The following ANGPT2 variants were observed in gnomAD, a reference collection of about 807,000 sequenced individuals.
The protein encoded by ANGPT2 is angiopoietin-2.
ANGPT2 carries 28 observed loss-of-function variants against 62.9 expected under a neutral mutation model. The observed-to-expected ratio is 0.44, with a 90% CI of 0.33 to 0.61. ANGPT2 has a LOEUF of 0.61. ANGPT2 is among the 20% of genes least tolerant of loss of function. ANGPT2 has a pLI of 0.03. For synonymous variants in ANGPT2, 284 were observed against 207.8 expected (o/e 1.37, Z -3.15); for missense variants, 727 against 594.9 (o/e 1.22, Z -2.31).
intron 1 of ANGPT2, among the ~76,000 whole-genome samples, chr8:6,537,406 G>A (rs1337221394): frequency 1.3e-5 from 2 of 151,944 alleles, no homozygotes; most frequent in African/African-American, 2.4e-5. Flanking sequence ...AACATTGAGG[G>A]CCACAGTGAT....
chr8:6,554,233 A>C (rs1238929738), intron 1 of ANGPT2, among the ~76,000 whole-genome samples: 1 of 151,302 alleles, frequency 6.6e-6, no homozygotes, highest in Non-Finnish European at 1.5e-5. Context: ...AAGTGTGACA[A>C]ATGCCCAGGT....
intron 5 of ANGPT2, among the ~76,000 whole-genome samples, chr8:6,517,838 G>A (rs2129568536): frequency 6.6e-6 from 1 of 152,284 alleles, no homozygotes; most frequent in East Asian, 1.9e-4. Context: ...ATCAGATTGT[G>A]ACTTACAGAG....
chr8:6,515,139 A>G (rs1279430032), intron 5 of ANGPT2, among the ~76,000 whole-genome samples: 1 of 151,976 alleles, frequency 6.6e-6, no homozygotes, highest in African/African-American at 2.4e-5. Context: ...TTGGCCCCGA[A>G]CCCCACATCT....
At chr8:6,512,741 G>A (rs1483922028) in intron 7 of ANGPT2, among the ~76,000 whole-genome samples, 1 of 152,172 alleles carries the variant, frequency 6.6e-6, no homozygotes, top group Non-Finnish European at 1.5e-5. Flanking sequence ...TGGCATTTTA[G>A]AGGCAGAAAG....
chr8:6,547,103 G>T (rs1822739294), intron 1 of ANGPT2, among the ~76,000 whole-genome samples: 2 of 151,860 alleles, frequency 1.3e-5, no homozygotes, highest in African/African-American at 4.8e-5. Flanking sequence ...GTAGATAGGT[G>T]CCAGTTTTAC....
intron 7 of ANGPT2, among the ~76,000 whole-genome samples, chr8:6,512,945 C>T (rs1271737853): frequency 1.3e-5 from 2 of 152,194 alleles, no homozygotes; most frequent in South Asian, 2.1e-4. Context: ...AGATTGAAGA[C>T]AATTGAATGT....
chr8:6,509,149 C>G, intron 7 of ANGPT2, 87 bp from the exon 8 acceptor site: 3 of 1,523,340 alleles, frequency 2.0e-6, no homozygotes, highest in Non-Finnish European at 2.7e-6. Context: ...GAATTCCATT[C>G]TACAGAAGCG....
In ANGPT2 at chr8:6,501,085, A is replaced by C. The variant is rs1812087464; in HGVS notation, c.*2016T>G. ...TTGTTGAATTCATAAAACCTTCTTA[A>C]ATATAAAGTAGATACAGTTCTAAGA... On this transcript the variant is annotated 3_prime_UTR_variant, in exon 9 of 9. Transcript: ENST00000629816. 1 of 152,188 alleles carries C rather than the reference A, an allele frequency of 6.6e-6. No homozygotes were observed. The highest frequency in any genetic ancestry group is 2.4e-5 in the African/African-American group (1 of 41,442). 9.4% of individuals were successfully genotyped at this position (152,188 alleles called of 1,614,324 possible).
intron 1 of ANGPT2, among the ~76,000 whole-genome samples, chr8:6,546,136 C>G (rs1022867109): frequency 4.6e-5 from 7 of 152,208 alleles, no homozygotes; most frequent in Admixed American, 3.9e-4. Context: ...TAAATACCTA[C>G]TGTGCTATGC....
chr8:6,509,209 G>C (rs1021491876), intron 7 of ANGPT2, 147 bp from the exon 8 acceptor site: 2 of 1,061,416 alleles, frequency 1.9e-6, no homozygotes, highest in South Asian at 1.7e-5. Context: ...AAAATATTTT[G>C]CACTGGTATA....
In ANGPT2 at chr8:6,513,775, G is replaced by A. The variant is rs760458544; in HGVS notation, c.1099C>T (p.Arg367Cys). Residue 367 changes from arginine (R) to cysteine (C), a missense_variant, in exon 7 of 9, where the codon CGC (arginine) becomes TGC (cysteine). By Grantham distance (180) the Arg-to-Cys change is radical. Coordinates refer to ENST00000629816, the MANE Select transcript of ANGPT2 (RefSeq NM_001118887.2). ...TTAAGGTGTATTTTAAGCACATAGC[G>A]TTGCTGATTAGTCAGTTGCGAAACA... ...EFVSQLTNQQRYVLKIHLKDW... is the reference protein window; with the variant it reads ...EFVSQLTNQQCYVLKIHLKDW... 19 of 1,613,850 alleles carry A rather than the reference G, an allele frequency of 1.2e-5. No individual in the cohort carries two copies. The highest frequency in any genetic ancestry group is 1.6e-4 in the Middle Eastern group (1 of 6,062).
intron 7 of ANGPT2, among the ~76,000 whole-genome samples, chr8:6,512,521 C>T (rs1041104854): frequency 2.0e-4 from 30 of 152,160 alleles, no homozygotes; most frequent in African/African-American, 6.0e-4. Context: ...GATCACGAGG[C>T]GCCACCAGTC....
intron 3 of ANGPT2, among the ~76,000 whole-genome samples, chr8:6,523,979 T>C (rs1314825924): frequency 6.6e-6 from 1 of 152,058 alleles, no homozygotes; most frequent in Admixed American, 6.5e-5. Flanking sequence ...TCTGTGATAA[T>C]TGCAGGAAAA....
At chr8:6,527,840 C>G (rs1009654922) in intron 2 of ANGPT2, among the ~76,000 whole-genome samples, 164 bp from the exon 3 acceptor site, 2 of 151,236 alleles carry the variant, frequency 1.3e-5, no homozygotes, top group Admixed American at 1.3e-4. Flanking sequence ...AGAAAAGGCT[C>G]AATGTCTTAG....
intron 3 of ANGPT2, among the ~76,000 whole-genome samples, chr8:6,523,141 G>A (rs917755878): frequency 7.9e-5 from 12 of 151,996 alleles, no homozygotes; most frequent in Non-Finnish European, 1.3e-4. Flanking sequence ...GGGACTACAG[G>A]CGCATGTCAC....
intron 1 of ANGPT2, among the ~76,000 whole-genome samples, chr8:6,532,979 G>A (rs1485343162): frequency 6.6e-6 from 1 of 152,224 alleles, no homozygotes; most frequent in Non-Finnish European, 1.5e-5. Flanking sequence ...TATAAGGAGA[G>A]GAGCACCCTT....
chr8:6,518,555 G>C (rs1190390644), intron 5 of ANGPT2, among the ~76,000 whole-genome samples: 1 of 152,136 alleles, frequency 6.6e-6, no homozygotes, highest in Non-Finnish European at 1.5e-5. Flanking sequence ...TCATAATCAA[G>C]ATACATGTTA....
At position 6,513,858 on chromosome 8, in the gene ANGPT2, T is replaced by G. The variant is rs1367103082; in HGVS notation, c.1030-14A>C. ...GTTACCAAATCCCTGTAATGCAAGTTGTTAAATTCAATTATTTCATGTAAT... is the reference window on the plus strand; with the variant it reads ...GTTACCAAATCCCTGTAATGCAAGTGGTTAAATTCAATTATTTCATGTAAT... On this transcript the variant is annotated splice_polypyrimidine_tract_variant and intron_variant, in intron 6 of 8. Coordinates refer to ENST00000629816, the MANE Select transcript of ANGPT2 (RefSeq NM_001118887.2). 6.3e-7 allele frequency: 1 copy of G among 1,591,390 alleles called. No individual in the cohort carries two copies. Among genetic ancestry groups the G allele is most frequent in the East Asian group, 2.2e-5 (1 of 44,460 alleles).
rs1817173499 is a variant in ANGPT2, at chr8:6,520,763, A to G, written c.799+415T>C. ...ATAAGGAAGGCAAAATGTGCTTAAG[A>G]ACCTGGCAAGATAAGGGAACTAGCA... On this transcript the variant is annotated intron_variant, in intron 4 of 8. Coordinates refer to ENST00000629816, the MANE Select transcript of ANGPT2 (RefSeq NM_001118887.2). 2.6e-5 allele frequency among the ~76,000 whole-genome samples: 4 copies of G among 152,232 alleles called. No homozygotes were observed. The South Asian group carries it at 8.3e-4, about 32-fold the overall frequency.
Sources: allele counts gnomAD v4.1 joint callset (sites outside exome capture counted in the v4.1 genomes callset), GRCh38; gene constraint gnomAD v4.1.1; transcripts MANE v1.5; gene names NCBI Gene and HGNC (gene_info 2026-07-23, HGNC 2026-07-21).